ANKFN1: variants seen among roughly 807,000 people sequenced by gnomAD.
The protein encoded by ANKFN1 is ankyrin repeat and fibronectin type III domain containing 1.
ANKFN1 carries 74 observed loss-of-function variants against 108.7 expected under a neutral mutation model. The ratio of observed to expected loss-of-function variants is 0.68; its 90% CI spans 0.56 to 0.83. The LOEUF (loss-of-function observed/expected upper bound fraction) is 0.83, where lower values mean the gene tolerates loss of function less well. Ranked by LOEUF, ANKFN1 falls within the 40% of genes least tolerant of loss-of-function variation. ANKFN1 has a pLI of 0.00. For synonymous variants in ANKFN1, 547 were observed against 516.2 expected (o/e 1.06, Z -0.81); for missense variants, 1,505 against 1,382.3 (o/e 1.09, Z -1.41).
intron 6 of ANKFN1, among the ~76,000 whole-genome samples, chr17:56,367,215 A>G (rs553805875): frequency 1.3e-3 from 195 of 152,328 alleles, no homozygotes; most frequent in African/African-American, 4.2e-3. Context: ...CTTAATTAAA[A>G]ATTAAAATTA....
chr17:56,085,125 G>T lies in ANKFN1; in HGVS notation c.288+38800G>T, dbSNP rs1437920965. On this transcript the variant is annotated intron_variant, in intron 4 of 12. Coordinates refer to the ANKFN1 transcript ENST00000635860. ...TATGTGCCAGGTTGTTCAGGAGTTG[G>T]ACTAATGTTAAATATTTCATAGTTA... is the stretch of plus-strand genomic sequence containing the variant. Among the ~76,000 whole-genome samples, 5 of 149,038 alleles carry T rather than the reference G, an allele frequency of 3.4e-5. 1 individual carries two copies. Among genetic ancestry groups the T allele is most frequent in the Non-Finnish European group, 5.9e-5 (4 of 67,400 alleles).
At chr17:56,415,245 T>C (rs1193171746) in intron 8 of ANKFN1, among the ~76,000 whole-genome samples, 1 of 152,120 alleles carries the variant, frequency 6.6e-6, no homozygotes, top group Admixed American at 6.6e-5. Flanking sequence ...GACAGTCAAA[T>C]TGGAAAGGGA....
chr17:56,481,133 C>A (rs746639188), intron 17 of ANKFN1, among the ~76,000 whole-genome samples: 19 of 146,458 alleles, frequency 1.3e-4, no homozygotes, highest in Non-Finnish European at 2.4e-4. Flanking sequence ...TAAAAGACAA[C>A]CAGGCTCAGC....
intron 4 of ANKFN1, among the ~76,000 whole-genome samples, chr17:56,343,708 G>T (rs1223402695): frequency 1.3e-5 from 2 of 151,620 alleles, no homozygotes; most frequent in African/African-American, 4.8e-5. Context: ...CCTATTATTT[G>T]TATATTGGTA....
At chr17:56,438,726 G>A (rs1568001640) in intron 8 of ANKFN1, among the ~76,000 whole-genome samples, 1 of 152,096 alleles carries the variant, frequency 6.6e-6, no homozygotes, top group Non-Finnish European at 1.5e-5. Flanking sequence ...CTCGGAATGG[G>A]AGGCACTCAA....
At chr17:56,432,146 G>T (rs967217157) in intron 8 of ANKFN1, among the ~76,000 whole-genome samples, 1 of 152,126 alleles carries the variant, frequency 6.6e-6, no homozygotes, top group Non-Finnish European at 1.5e-5. Flanking sequence ...TCTTGCTATT[G>T]TTCAGTTACA....
intron 3 of ANKFN1, among the ~76,000 whole-genome samples, chr17:56,300,595 T>G (rs992271457): frequency 2.6e-5 from 4 of 152,208 alleles, no homozygotes; most frequent in South Asian, 2.1e-4. Flanking sequence ...AAATTGTTTT[T>G]TTTTTTTTTT....
rs1473048145 is a variant in ANKFN1 at position 56,153,510 on chromosome 17, A to T, written c.-91A>T. The stretch of plus-strand genomic sequence containing the variant: ...TCAAGAGCTCAGTCCTGTGTCTCTC[A>T]TGGAGGCGTCTCTAACCAGGGTAGG... On this transcript the variant is annotated 5_prime_UTR_variant, in exon 1 of 21. The change abolishes an upstream ATG in the 5' untranslated region. Coordinates refer to ENST00000682825, the MANE Select transcript of ANKFN1 (RefSeq NM_001370326.1). The T allele has an allele frequency of 1.9e-6, 3 of 1,614,100 alleles. No homozygotes were observed. The highest frequency in any genetic ancestry group is 1.1e-5 in the South Asian group (1 of 91,078).
intron 4 of ANKFN1, among the ~76,000 whole-genome samples, chr17:56,048,573 T>G (rs1299648311): frequency 1.3e-5 from 2 of 152,218 alleles, no homozygotes; most frequent in Admixed American, 6.5e-5. Context: ...AGCATTCTTG[T>G]CCTCCTCAGG....
chr17:56,241,873 A>C (rs936633005), intron 3 of ANKFN1, among the ~76,000 whole-genome samples: 1 of 152,220 alleles, frequency 6.6e-6, no homozygotes, highest in East Asian at 1.9e-4. Flanking sequence ...TTCATAACCA[A>C]GATGGCTATT....
intron 8 of ANKFN1, among the ~76,000 whole-genome samples, chr17:56,421,865 G>T (rs1408483244): frequency 6.6e-6 from 1 of 152,064 alleles, no homozygotes; most frequent in East Asian, 1.9e-4. Context: ...AAAATATCTT[G>T]GAGAGTCAAT....
At chr17:56,192,237 T>C (rs1344680212) in intron 1 of ANKFN1, among the ~76,000 whole-genome samples, 42 of 148,152 alleles carry the variant, frequency 2.8e-4, no homozygotes, top group Admixed American at 1.7e-3. Flanking sequence ...TTACACCTTA[T>C]ACAAAAATTA....
chr17:56,510,150 C>G (rs1342681240), intron 20 of ANKFN1, among the ~76,000 whole-genome samples: 1 of 152,262 alleles, frequency 6.6e-6, no homozygotes, highest in African/African-American at 2.4e-5. Context: ...CTCTCCACAG[C>G]TGCCCAGCTA....
chr17:56,163,041 A>G (rs535421260), intron 1 of ANKFN1, among the ~76,000 whole-genome samples: 1 of 151,074 alleles, frequency 6.6e-6, no homozygotes, highest in Non-Finnish European at 1.5e-5. Context: ...ATCTCAAAAA[A>G]AAAAAGAAAA....
chr17:56,080,248 G>A (rs1905229661), intron 4 of ANKFN1, among the ~76,000 whole-genome samples: 1 of 152,142 alleles, frequency 6.6e-6, no homozygotes, highest in African/African-American at 2.4e-5. Flanking sequence ...AGTATTCAAT[G>A]TGCTTGTCTT....
intron 3 of ANKFN1, among the ~76,000 whole-genome samples, chr17:56,279,827 C>T (rs183955791): frequency 1.6e-4 from 25 of 152,218 alleles, no homozygotes; most frequent in African/African-American, 4.6e-4. Flanking sequence ...TTAGGCAACT[C>T]GCGTATCATT....
chr17:56,422,203 C>A (rs1481129864), intron 8 of ANKFN1, among the ~76,000 whole-genome samples: 1 of 152,200 alleles, frequency 6.6e-6, no homozygotes, highest in Non-Finnish European at 1.5e-5. Context: ...CATGTTCACA[C>A]TGCACCTTGC....
At chr17:56,264,295 A>G (rs1436483039) in intron 3 of ANKFN1, among the ~76,000 whole-genome samples, 1 of 152,156 alleles carries the variant, frequency 6.6e-6, no homozygotes, top group Non-Finnish European at 1.5e-5. Context: ...GATTCCATTG[A>G]TCTCTTTGCC....
At chr17:56,275,463 T>C (rs979420604) in intron 3 of ANKFN1, among the ~76,000 whole-genome samples, 3 of 151,900 alleles carry the variant, frequency 2.0e-5, no homozygotes, top group African/African-American at 7.3e-5. Context: ...TTCAGAGTGA[T>C]CAGAAAAGGC....
Sources: allele counts gnomAD v4.1 joint callset (sites outside exome capture counted in the v4.1 genomes callset), GRCh38; gene constraint gnomAD v4.1.1; transcripts MANE v1.5; gene names NCBI Gene and HGNC (gene_info 2026-07-23, HGNC 2026-07-21).